ZNF195: variants seen among roughly 807,000 people sequenced by gnomAD.
The protein encoded by ZNF195 is hypoxia-regulated factor-1.
A neutral mutation model predicts 19.5 loss-of-function variants in ZNF195; 11 were observed. The observed-to-expected ratio is 0.57, with a 90% CI of 0.36 to 0.94. The LOEUF is 0.94. ZNF195 is among the 40% of genes least tolerant of loss of function. The pLI is 0.01. For missense variants in ZNF195, 582 were observed against 709.0 expected, an observed-to-expected ratio of 0.82 and a Z score of 2.03; for synonymous variants, 214 against 248.1, an observed-to-expected ratio of 0.86 and a Z score of 1.29.
chr11:3,377,900 C>T, intron 1 of ZNF195: 1 of 986,852 alleles, frequency 1.0e-6, no homozygotes. Context: ...GGTGTCTGTG[C>T]CTAGGGAAAA....
chr11:3,364,649 A>G (rs1184421899), intron 3 of ZNF195, among the ~76,000 whole-genome samples: 2 of 152,204 alleles, frequency 1.3e-5, no homozygotes, highest in Admixed American at 6.5e-5. Flanking sequence ...GTGATCCAAA[A>G]GAAAATACCT....
intron 4 of ZNF195, 32 bp downstream of exon 4, chr11:3,361,711 G>A: frequency 7.7e-7 from 1 of 1,297,932 alleles, no homozygotes. Context: ...AGCAGCAAGT[G>A]AAAAGCAAGG....
In ZNF195 at chr11:3,359,613, G is replaced by A. The variant is rs1351279868; in HGVS notation, c.1395C>T (p.Pro465=). The A allele has an allele frequency of 2.5e-6, 4 of 1,614,156 alleles. No homozygotes were observed. In the Admixed American group the frequency reaches 6.7e-5, roughly 27 times the overall value. Residue 465 remains proline (P), a synonymous_variant, in exon 6 of 6, where the codon CCC becomes CCT. Transcript: ENST00000399602. This position sits in a 1 kb window ranked among gnomAD's most constrained non-coding sequence, Gnocchi z 5.5. The part of the protein sequence containing the change: ...EHRRIHTGEK[P]YQCEECGKVF... ...CCTTCCCACATTCTTCACATTGGTA[G>A]GGTTTCTCTCCGGTGTGAATCCTCC...
At chr11:3,369,816 C>A (rs1374904326) in intron 3 of ZNF195, among the ~76,000 whole-genome samples, 3 of 152,172 alleles carry the variant, frequency 2.0e-5, no homozygotes, top group Admixed American at 1.3e-4. Context: ...AGTAGCTTCA[C>A]GAATACTATT....
At chr11:3,364,250 C>T (rs141952012) in intron 3 of ZNF195, among the ~76,000 whole-genome samples, 1,739 of 152,168 alleles carry the variant, frequency 0.011, 39 homozygotes, top group Admixed American at 0.05. Context: ...TGCTTGAGGT[C>T]AGGAGTTAGG....
Position 3,359,824 on chromosome 11 carries a change from G to T in ZNF195, c.1184C>A (p.Pro395Gln). 1 of 1,614,034 alleles carries T rather than the reference G, an allele frequency of 6.2e-7. No homozygotes were observed. Among genetic ancestry groups the T allele is most frequent in the Admixed American group, 1.7e-5 (1 of 60,018 alleles). ...ETWYKGFNHSPNPSKHQRNEI... is the reference protein window; with the variant it reads ...ETWYKGFNHSQNPSKHQRNEI... ...ATTTCTCTGGTGTTTGGAAGGATTT[G>T]GGCTGTGGTTAAAACCTTTGTACCA... The change falls in exon 6 of 6, where the codon CCA becomes CAA. Residue 395 changes from proline to glutamine, a missense_variant. Around this residue, in one of 3 missense-constraint regions of ZNF195, gnomAD observed 407 missense variants for 530.5 expected, o/e 0.77. Transcript: ENST00000399602. This position sits in a 1 kb window ranked among gnomAD's most constrained non-coding sequence, Gnocchi z 5.5.
intron 3 of ZNF195, among the ~76,000 whole-genome samples, chr11:3,365,507 T>C (rs1275400905): frequency 6.6e-6 from 1 of 152,252 alleles, no homozygotes; most frequent in African/African-American, 2.4e-5. Flanking sequence ...CCCTTGAACA[T>C]ACACATTCTT....
intron 1 of ZNF195, chr11:3,377,894 T>C: frequency 2.0e-6 from 2 of 987,496 alleles, no homozygotes; most frequent in Non-Finnish European, 2.4e-6. Context: ...TGGTAAGGTG[T>C]CTGTGCCTAG....
At chr11:3,368,946 A>C in intron 3 of ZNF195, 1 of 436,586 alleles carries the variant, frequency 2.3e-6, no homozygotes, top group Non-Finnish European at 4.6e-6. Context: ...CAAGCCTAAA[A>C]TGTAAAACAT....
At chr11:3,367,437 C>G (rs996789822) in intron 3 of ZNF195, among the ~76,000 whole-genome samples, 3 of 151,964 alleles carry the variant, frequency 2.0e-5, no homozygotes, top group Admixed American at 6.5e-5. Flanking sequence ...GTCATGAAAA[C>G]TAGGTATTTT....
Position 3,360,180 on chromosome 11 carries a change from T to C in ZNF195, c.828A>G (p.Glu276=), listed in dbSNP as rs1848559570. 2 of 1,613,888 alleles carry C rather than the reference T, an allele frequency of 1.2e-6. No individual in the cohort carries two copies. The highest frequency in any genetic ancestry group is 1.7e-6 in the Non-Finnish European group (2 of 1,179,922). ...HTGKKFQKCG[E]CGKTFIQCSH... is the part of the protein sequence containing the mutation. ...AGCACTGGATAAAGGTTTTGCCACA[T>C]TCTCCACATTTTTGGAATTTTTTTC... is the stretch of plus-strand genomic sequence containing the variant. The change falls in exon 6 of 6, where the codon GAA becomes GAG. Residue 276 remains glutamate (E), a synonymous_variant. Coordinates refer to ENST00000399602, the MANE Select transcript of ZNF195 (RefSeq NM_001130520.3).
chr11:3,362,385 T>C (rs1848676222), intron 3 of ZNF195: 1 of 312,806 alleles, frequency 3.2e-6, no homozygotes, highest in Non-Finnish European at 5.9e-6. Flanking sequence ...AATTATTATC[T>C]AAAATTTGAA....
Position 3,377,847 on chromosome 11 carries a change from C to A in ZNF195, c.3+1191G>T, listed in dbSNP as rs1849540733. 10 of 988,524 alleles carry A rather than the reference C, an allele frequency of 1.0e-5. No individual in the cohort carries two copies. The South Asian group carries it at 3.7e-4, about 37-fold the overall frequency. The allele number at this position is 988,524 out of a possible 1,614,324, so 61.2% of individuals were successfully genotyped here. On this transcript the variant is annotated intron_variant, in intron 1 of 5. Coordinates refer to ENST00000399602, the MANE Select transcript of ZNF195 (RefSeq NM_001130520.3). ...GGTGGCTGAGAGCAAATCACCCTGT[C>A]AAGTTTCCAAAGTGGAACCTCAAAC...
chr11:3,372,823 C>T (rs1437886169), intron 1 of ZNF195, among the ~76,000 whole-genome samples: 1 of 152,240 alleles, frequency 6.6e-6, no homozygotes, highest in Non-Finnish European at 1.5e-5. Flanking sequence ...CCTCTGCCTC[C>T]CTGGTTCAGG....
intron 3 of ZNF195, among the ~76,000 whole-genome samples, chr11:3,369,975 T>C (rs896462874): frequency 6.6e-6 from 1 of 152,226 alleles, no homozygotes; most frequent in Non-Finnish European, 1.5e-5. Flanking sequence ...AATTATTACA[T>C]TGTACACAAT....
intron 4 of ZNF195, 114 bp from the exon 5 acceptor site, chr11:3,360,902 C>T (rs1848604515): frequency 1.1e-6 from 1 of 898,502 alleles, no homozygotes; most frequent in African/African-American, 1.7e-5. Flanking sequence ...TTGGCTTCTC[C>T]TTCAAAAGAG....
Position 3,373,886 on chromosome 11 carries a change from A to G in ZNF195, c.4-2183T>C, listed in dbSNP as rs117468025. 3.8e-3 allele frequency among the ~76,000 whole-genome samples: 585 copies of G among 152,342 alleles called. 1 individual carries two copies. The highest frequency in any genetic ancestry group is 6.1e-3 in the Admixed American group (93 of 15,300). ...AAACAACAGCAATTCTGCTTCAGCA[A>G]TTGGAGTATAAGCTGCACTGAGCTG... On this transcript the variant is annotated intron_variant, in intron 1 of 5. Coordinates refer to ENST00000399602, the MANE Select transcript of ZNF195 (RefSeq NM_001130520.3).
rs183301949 is a variant in ZNF195, at chr11:3,370,958, C to T, written c.226+17G>A. 23 of 1,613,666 alleles carry T rather than the reference C, an allele frequency of 1.4e-5. No individual in the cohort carries two copies. The East Asian group carries it at 3.6e-4, about 25-fold the overall frequency. On this transcript the variant is annotated intron_variant, in intron 3 of 5. Coordinates refer to ENST00000399602, the MANE Select transcript of ZNF195 (RefSeq NM_001130520.3). ...GACCTCTCACCTGGGTTACCTGCTT[C>T]GTTCATTCCCACCCACCTGGATGTC...
rs985590655 is a variant in ZNF195, at chr11:3,358,125, T to A, written c.*993A>T. The A allele has an allele frequency of 1.3e-5, 2 of 152,132 alleles. No individual in the cohort carries two copies. The highest frequency in any genetic ancestry group is 4.8e-5 in the African/African-American group (2 of 41,388). 9.4% of individuals were successfully genotyped at this position (152,132 alleles called of 1,614,324 possible). ...AGGTGTCTTGTCTGCATCCTGGAGA[T>A]GTTTTTTGCCAGCTTTGTTATGCGA... On this transcript the variant is annotated 3_prime_UTR_variant, in exon 6 of 6. Transcript: ENST00000399602.
Sources: allele counts gnomAD v4.1 joint callset (sites outside exome capture counted in the v4.1 genomes callset), GRCh38; gene constraint gnomAD v4.1.1; regional missense constraint gnomAD v4.1.1; non-coding constraint Gnocchi (gnomAD v3.1); transcripts MANE v1.5; gene names NCBI Gene and HGNC (gene_info 2026-07-23, HGNC 2026-07-21).